Variants in USP53 observed in about 807,000 individuals in gnomAD.
The protein encoded by USP53 is ubiquitin carboxyl-terminal hydrolase 53.
A neutral mutation model predicts 94.9 loss-of-function variants in USP53; 71 were observed. That is an observed-to-expected ratio of 0.75 (90% CI 0.62 to 0.91). USP53 has a LOEUF of 0.91. Ranked by LOEUF, USP53 falls within the 40% of genes least tolerant of loss-of-function variation. The probability of loss-of-function intolerance (pLI) is 0.00; values close to 1 mark genes in which losing one functional copy is unlikely to be tolerated. For missense variants in USP53, 1,173 were observed against 1,281.0 expected, an observed-to-expected ratio of 0.92 and a Z score of 1.29; for synonymous variants, 375 against 422.7, an observed-to-expected ratio of 0.89 and a Z score of 1.39.
intron 9 of USP53, among the ~76,000 whole-genome samples, chr4:119,257,552 G>C (rs1749943975): frequency 6.6e-6 from 1 of 152,210 alleles, no homozygotes; most frequent in South Asian, 2.1e-4. Flanking sequence ...TTATCAGTCA[G>C]AATATGTTAG....
At chr4:119,260,954 T>C in intron 11 of USP53, among the ~76,000 whole-genome samples, 1 of 1,638 alleles carries the variant, frequency 6.1e-4, no homozygotes, top group South Asian at 0.026. Context: ...CTCTCTCTTT[T>C]TTTTTTTTTT....
In USP53 at chr4:119,239,505, A is replaced by G; in HGVS notation, c.-255A>G. On this transcript the variant is annotated 5_prime_UTR_variant, in exon 5 of 19. In the 5' UTR this introduces an upstream ATG that the reference lacks. Coordinates refer to ENST00000692078, the MANE Select transcript of USP53 (RefSeq NM_001371395.1). Reference sequence around the variant, plus strand: ...AGCTCCCATAAAATTTAACACATATAAACATCTTTAACGCCTTGTTTAAAA... The same window carrying G: ...AGCTCCCATAAAATTTAACACATATGAACATCTTTAACGCCTTGTTTAAAA... The G allele has an allele frequency of 2.3e-6, 1 of 442,066 alleles. No homozygotes were observed. The highest frequency in any genetic ancestry group is 7.4e-5 in the South Asian group (1 of 13,456). The allele number at this position is 442,066 out of a possible 1,614,324, so 27.4% of individuals were successfully genotyped here. A position where few individuals can be genotyped will look rare whatever the true frequency, so the allele number is the denominator to read the frequency against.
intron 3 of USP53, among the ~76,000 whole-genome samples, chr4:119,224,477 G>GAATTATTT (rs1303356883): frequency 3.3e-5 from 5 of 152,228 alleles, no homozygotes; most frequent in Non-Finnish European, 7.3e-5. Flanking sequence ...ATGAGGTTTA[G>GAATTATTT]AATTATTTAA....
In USP53 at chr4:119,263,690, C is replaced by G. The variant is rs189914949; in HGVS notation, c.972+1826C>G. Among the ~76,000 whole-genome samples, 4 of 152,152 alleles carry G rather than the reference C, an allele frequency of 2.6e-5. No individual in the cohort carries two copies. The South Asian group carries it at 8.3e-4, about 31-fold the overall frequency. Reference sequence around the variant, plus strand: ...AGATGATATAACATGTAGGCATTAGCTGGAACCTTCAGAAAAGTATTACCT... The same window carrying G: ...AGATGATATAACATGTAGGCATTAGGTGGAACCTTCAGAAAAGTATTACCT... On this transcript the variant is annotated intron_variant, in intron 12 of 18. Transcript: ENST00000692078.
chr4:119,237,191 TA>T (rs1396483266), intron 4 of USP53, among the ~76,000 whole-genome samples: 2 of 152,214 alleles, frequency 1.3e-5, no homozygotes, highest in African/African-American at 4.8e-5. Context: ...AAATATTCAG[TA>T]AACCATGCTG....
chr4:119,257,332 TC>T (rs1409724294), intron 9 of USP53, among the ~76,000 whole-genome samples: 1 of 152,094 alleles, frequency 6.6e-6, no homozygotes, highest in Non-Finnish European at 1.5e-5. Flanking sequence ...TCCCAGCTCT[TC>T]CGGAGGCTGA....
At chr4:119,240,682 A>G (rs1339186588) in intron 5 of USP53, among the ~76,000 whole-genome samples, 1 of 152,166 alleles carries the variant, frequency 6.6e-6, no homozygotes, top group Non-Finnish European at 1.5e-5. Flanking sequence ...AGAGAAAAAT[A>G]TTGTGTTGAT....
At chr4:119,265,707 G>A (rs1751045316) in intron 12 of USP53, among the ~76,000 whole-genome samples, 1 of 135,354 alleles carries the variant, frequency 7.4e-6, no homozygotes, top group African/African-American at 2.8e-5. Flanking sequence ...CAAAACAAAT[G>A]GACTCCTCAA....
At chr4:119,229,137 C>T (rs1468174504) in intron 3 of USP53, among the ~76,000 whole-genome samples, 1 of 152,150 alleles carries the variant, frequency 6.6e-6, no homozygotes, top group African/African-American at 2.4e-5. Flanking sequence ...ATAGCAATTG[C>T]GTGCAACATA....
intron 5 of USP53, among the ~76,000 whole-genome samples, chr4:119,242,508 C>T (rs561065501): frequency 1.4e-4 from 21 of 152,244 alleles, no homozygotes; most frequent in African/African-American, 4.8e-4. Context: ...TCCCTCTAAT[C>T]CTTTTGGGTG....
intron 15 of USP53, among the ~76,000 whole-genome samples, chr4:119,270,548 A>G (rs1751724430): frequency 6.6e-6 from 1 of 152,202 alleles, no homozygotes; most frequent in Non-Finnish European, 1.5e-5. Flanking sequence ...CACTCATGGC[A>G]CATTCAAGTA....
At chr4:119,220,687 ACTT>A (rs1038301140) in intron 3 of USP53, 6 of 152,286 alleles carry the variant, frequency 3.9e-5, no homozygotes, top group African/African-American at 1.4e-4. Flanking sequence ...ATGTATTTAA[ACTT>A]TTAGAAATTT....
Position 119,256,534 on chromosome 4 carries a change from AT to A in USP53, c.569+13del, listed in dbSNP as rs777714280. On this transcript the variant is annotated intron_variant, in intron 9 of 18. Transcript: ENST00000692078. ...TACAACAGCCTTATGGTAAGAACCT[AT>A]TAAAGCTTAATTATCAACGATATTA... The A allele has an allele frequency of 8.7e-6, 14 of 1,612,754 alleles. No individual in the cohort carries two copies. The South Asian group carries it at 1.5e-4, about 18-fold the overall frequency.
chr4:119,252,993 C>T (rs1749248624), intron 7 of USP53, among the ~76,000 whole-genome samples: 1 of 151,812 alleles, frequency 6.6e-6, no homozygotes, highest in South Asian at 2.1e-4. Context: ...TGTTAGTTAC[C>T]CAGTAGTCAT....
chr4:119,275,384 G>T lies in USP53; in HGVS notation c.2251+1676G>T, dbSNP rs1258351203. Among the ~76,000 whole-genome samples, 21 of 125,632 alleles carry T rather than the reference G, an allele frequency of 1.7e-4. 1 individual carries two copies. The highest frequency in any genetic ancestry group is 4.8e-4 in the African/African-American group (17 of 35,578). The allele number at this position is 125,632 out of a possible 152,430, so 82.4% of individuals were successfully genotyped here. On this transcript the variant is annotated intron_variant, in intron 17 of 18. Coordinates refer to ENST00000692078, the MANE Select transcript of USP53 (RefSeq NM_001371395.1). ...TTTCCCCATTGCTTGTTTTTCTCAG[G>T]TTTGTCAAAGATCAGATAGTTCTAG... is the stretch of plus-strand genomic sequence containing the variant.
At chr4:119,227,529 C>G (rs1042327515) in intron 3 of USP53, among the ~76,000 whole-genome samples, 3 of 152,174 alleles carry the variant, frequency 2.0e-5, no homozygotes, top group African/African-American at 7.2e-5. Context: ...ACTCGGGAAG[C>G]TGAGCCAGGA....
At chr4:119,292,244 G>T in intron 18 of USP53, 94 bp from the exon 19 acceptor site, 1 of 1,309,804 alleles carries the variant, frequency 7.6e-7, no homozygotes, top group Non-Finnish European at 1.0e-6. Flanking sequence ...ACTGTATTTT[G>T]GGAAAATCAA....
chr4:119,233,737 G>T (rs1242983700), intron 3 of USP53, among the ~76,000 whole-genome samples: 2 of 151,956 alleles, frequency 1.3e-5, no homozygotes, highest in African/African-American at 2.4e-5. Flanking sequence ...TTTTCTTATG[G>T]TATTGATTGT....
At chr4:119,251,388 A>G (rs10029750) in intron 7 of USP53, among the ~76,000 whole-genome samples, 43,880 of 152,072 alleles carry the variant, frequency 0.29, 6,494 homozygotes, top group East Asian at 0.39. Flanking sequence ...TCTTTATCCT[A>G]GAATGATTTA....
Sources: allele counts gnomAD v4.1 joint callset (sites outside exome capture counted in the v4.1 genomes callset), GRCh38; gene constraint gnomAD v4.1.1; transcripts MANE v1.5; gene names NCBI Gene and HGNC (gene_info 2026-07-23, HGNC 2026-07-21).